DIP2B: variants seen among roughly 807,000 people sequenced by gnomAD.
DIP2B encodes the protein DIP2 acetate--CoA ligase B (putative).
Under a neutral mutation model 198.0 loss-of-function variants are expected in DIP2B, and 76 were observed. That is an observed-to-expected ratio of 0.38 (90% CI 0.32 to 0.46). The LOEUF is 0.46. DIP2B is among the 20% of genes least tolerant of loss of function. DIP2B has a pLI of 0.99. For missense variants in DIP2B, 1,559 were observed against 1,978.4 expected, an observed-to-expected ratio of 0.79 and a Z score of 4.02; for synonymous variants, 701 against 739.1, an observed-to-expected ratio of 0.95 and a Z score of 0.84.
intron 2 of DIP2B, among the ~76,000 whole-genome samples, chr12:50,637,358 T>G (rs1283584448): frequency 1.3e-5 from 2 of 152,240 alleles, no homozygotes; most frequent in Admixed American, 6.5e-5. Context: ...TGTAACACTC[T>G]ACCCTTTTGC....
intron 12 of DIP2B, 28 bp from the exon 13 acceptor site, chr12:50,691,021 T>G: frequency 1.3e-6 from 2 of 1,595,042 alleles, no homozygotes; most frequent in African/African-American, 1.3e-5. Flanking sequence ...TTTATTGTGT[T>G]TCTTATGTTT....
At chr12:50,660,158 C>T (rs1565861850) in intron 3 of DIP2B, 36 bp from the exon 4 acceptor site, 1 of 1,572,230 alleles carries the variant, frequency 6.4e-7, no homozygotes, top group Non-Finnish European at 8.6e-7. Context: ...CTTTCAAGAG[C>T]CGGAAGCTAA....
intron 37 of DIP2B, chr12:50,743,624 C>T (rs1022721663): frequency 3.9e-5 from 6 of 152,170 alleles, no homozygotes; most frequent in Admixed American, 3.9e-4. Flanking sequence ...AATTACAAAT[C>T]AATCAAACTA....
intron 2 of DIP2B, among the ~76,000 whole-genome samples, chr12:50,628,276 C>T (rs1457881546): frequency 6.6e-6 from 1 of 152,102 alleles, no homozygotes; most frequent in African/African-American, 2.4e-5. Context: ...GATGCTGAGA[C>T]AGGAAAATTG....
In DIP2B at chr12:50,708,559, G is replaced by C; in HGVS notation, c.2646G>C (p.Leu882=). 6.3e-7 allele frequency: 1 copy of C among 1,584,504 alleles called. No individual in the cohort carries two copies. Among genetic ancestry groups the C allele is most frequent in the Non-Finnish European group, 8.6e-7 (1 of 1,163,706 alleles). The change falls in exon 22 of 38, where the codon CTG becomes CTC. Residue 882 remains leucine, a synonymous_variant. Coordinates refer to ENST00000301180, the MANE Select transcript of DIP2B (RefSeq NM_173602.3). ...GTTTCCAGTGGATGAGCCGCGTGCT[G>C]CAGGTGAGCACACTTTGGGGTCTGT... The part of the protein sequence containing the change: ...EDSFQWMSRV[L]QAIDSIHQVG...
At position 50,632,516 on chromosome 12, in the gene DIP2B, T is replaced by A. The variant is rs118120188; in HGVS notation, c.172+6469T>A. On this transcript the variant is annotated intron_variant, in intron 2 of 37. Coordinates refer to ENST00000301180, the MANE Select transcript of DIP2B (RefSeq NM_173602.3). The stretch of plus-strand genomic sequence containing the variant: ...AAAAAAGGTAACATTCTCACTACTG[T>A]CTTTTTATTTATTTTTTATTATTAT... Among the ~76,000 whole-genome samples, 257 of 146,406 alleles carry A rather than the reference T, an allele frequency of 1.8e-3. 1 individual carries two copies. The East Asian group carries it at 0.022, about 12-fold the overall frequency.
At chr12:50,624,038 A>G (rs1937883263) in intron 1 of DIP2B, among the ~76,000 whole-genome samples, 2 of 152,222 alleles carry the variant, frequency 1.3e-5, no homozygotes, top group African/African-American at 4.8e-5. Flanking sequence ...AGAGCACAGG[A>G]TACTCTTAAT....
At chr12:50,576,755 A>G (rs1958665474) in intron 1 of DIP2B, among the ~76,000 whole-genome samples, 1 of 151,686 alleles carries the variant, frequency 6.6e-6, no homozygotes, top group Admixed American at 6.6e-5. Flanking sequence ...TGCTGGGATT[A>G]CAGGCGTGAG....
chr12:50,515,865 C>T (rs138340574), intron 1 of DIP2B, among the ~76,000 whole-genome samples: 305 of 151,976 alleles, frequency 2.0e-3, no homozygotes, highest in Middle Eastern at 0.01. Flanking sequence ...TCAACTTCCT[C>T]CTCCACCCCT....
intron 1 of DIP2B, among the ~76,000 whole-genome samples, chr12:50,623,199 C>A (rs1937849168): frequency 1.3e-5 from 2 of 151,580 alleles, no homozygotes; most frequent in South Asian, 2.1e-4. Flanking sequence ...GCCCGGGCAA[C>A]AAAGCGAGAT....
Position 50,673,890 on chromosome 12 carries a change from A to G in DIP2B, c.641-584A>G, listed in dbSNP as rs547637452. On this transcript the variant is annotated intron_variant, in intron 5 of 37. Transcript: ENST00000301180. ...TCTGTCAAGGAGATCCAAATTACCTATGGATTATTGTATGATCCAAATTAC... is the reference window on the plus strand; with the variant it reads ...TCTGTCAAGGAGATCCAAATTACCTGTGGATTATTGTATGATCCAAATTAC... Among the ~76,000 whole-genome samples, 18 of 152,328 alleles carry G rather than the reference A, an allele frequency of 1.2e-4. No individual in the cohort carries two copies. The East Asian group carries it at 3.1e-3, about 26-fold the overall frequency.
At chr12:50,690,333 A>G (rs923786106) in intron 12 of DIP2B, among the ~76,000 whole-genome samples, 8 of 152,072 alleles carry the variant, frequency 5.3e-5, no homozygotes, top group Non-Finnish European at 7.4e-5. Context: ...TGATCCGCCC[A>G]CCTTGGCCTC....
Position 50,706,654 on chromosome 12 carries a change from T to C in DIP2B, c.2523T>C (p.Val841=), listed in dbSNP as rs764313229. The C allele has an allele frequency of 1.2e-6, 2 of 1,613,970 alleles. No individual in the cohort carries two copies. The highest frequency in any genetic ancestry group is 2.2e-5 in the South Asian group (2 of 91,074). The change falls in exon 21 of 38, where the codon GTT becomes GTC. Residue 841 remains valine, a synonymous_variant. Coordinates refer to ENST00000301180, the MANE Select transcript of DIP2B (RefSeq NM_173602.3). ...TGGCTGTAGAATCAATAAAGACTGTTTATAGAGGAAGGTGAGTAGTACAAA... is the reference window on the plus strand; with the variant it reads ...TGGCTGTAGAATCAATAAAGACTGTCTATAGAGGAAGGTGAGTAGTACAAA... The part of the protein sequence containing the change: ...TGLAVESIKT[V]YRGRIAVFSV...
intron 1 of DIP2B, among the ~76,000 whole-genome samples, chr12:50,576,192 C>T (rs757224916): frequency 6.6e-6 from 1 of 151,540 alleles, no homozygotes; most frequent in Non-Finnish European, 1.5e-5. Context: ...GCCTCAGCCT[C>T]CTGAGTAGCT....
rs71083581 is a variant in DIP2B, at chr12:50,511,291, A to ATTTTTTTTTTTTTTTTTTTT, written c.100+6053_100+6072dup. Among the ~76,000 whole-genome samples, 4 of 64,664 alleles carry ATTTTTTTTTTTTTTTTTTTT rather than the reference A, an allele frequency of 6.2e-5. 1 individual carries two copies. Among genetic ancestry groups the ATTTTTTTTTTTTTTTTTTTT allele is most frequent in the African/African-American group, 1.2e-4 (2 of 16,534 alleles). The allele number at this position is 64,664 out of a possible 152,430, so 42.4% of individuals were successfully genotyped here. On this transcript the variant is annotated intron_variant, in intron 1 of 37. Coordinates refer to ENST00000301180, the MANE Select transcript of DIP2B (RefSeq NM_173602.3). ...CCTATCCCTGACCAGTGTGATTTCTATTTTTTTTTTTTTTTTTTTTTGAGA... is the reference window on the plus strand; with the variant it reads ...CCTATCCCTGACCAGTGTGATTTCTATTTTTTTTTTTTTTTTTTTTTTTTTTTTTTTTTTTTTTTTTGAGA...
intron 1 of DIP2B, among the ~76,000 whole-genome samples, chr12:50,565,331 T>A (rs1344848686): frequency 6.6e-6 from 1 of 151,960 alleles, no homozygotes; most frequent in Non-Finnish European, 1.5e-5. Context: ...TGGGTCACTC[T>A]GTTGCCCAGG....
In DIP2B at chr12:50,747,600, A is replaced by G. The variant is rs1409481526; in HGVS notation, c.*2761A>G. On this transcript the variant is annotated 3_prime_UTR_variant, in exon 38 of 38. Coordinates refer to ENST00000301180, the MANE Select transcript of DIP2B (RefSeq NM_173602.3). ...GTTCTCTTGATGACACAGTGCTCCT[A>G]CTCTATCCACATTAAGTAGCACTTT... The G allele has an allele frequency of 6.6e-6, 1 of 152,136 alleles. No homozygotes were observed. The highest frequency in any genetic ancestry group is 1.5e-5 in the Non-Finnish European group (1 of 68,040). The allele number at this position is 152,136 out of a possible 1,614,324, so 9.4% of individuals were successfully genotyped here. A position where few individuals can be genotyped will look rare whatever the true frequency, so the allele number is the denominator to read the frequency against.
In DIP2B at chr12:50,745,155, A is replaced by G; in HGVS notation, c.*316A>G. 3.2e-6 allele frequency: 1 copy of G among 312,722 alleles called. No individual in the cohort carries two copies. The highest frequency in any genetic ancestry group is 3.6e-5 in the South Asian group (1 of 27,908). 19.4% of individuals were successfully genotyped at this position (312,722 alleles called of 1,614,324 possible). A position where few individuals can be genotyped will look rare whatever the true frequency, so the allele number is the denominator to read the frequency against. On this transcript the variant is annotated 3_prime_UTR_variant, in exon 38 of 38. Coordinates refer to ENST00000301180, the MANE Select transcript of DIP2B (RefSeq NM_173602.3). ...TATTTTTATCTAATGCCATTTTAGA[A>G]TTTTCTAAGGGAATTTAATGAATTC...
chr12:50,699,918 G>A (rs1002477277), intron 19 of DIP2B, among the ~76,000 whole-genome samples: 1 of 151,484 alleles, frequency 6.6e-6, no homozygotes, highest in African/African-American at 2.4e-5. Flanking sequence ...AGGGTAAGAG[G>A]CCTCACAAAA....
Sources: allele counts gnomAD v4.1 joint callset (sites outside exome capture counted in the v4.1 genomes callset), GRCh38; gene constraint gnomAD v4.1.1; transcripts MANE v1.5; gene names NCBI Gene and HGNC (gene_info 2026-07-23, HGNC 2026-07-21).